The following IQCE variants were observed in gnomAD, a reference collection of about 807,000 sequenced individuals.
IQCE encodes the protein IQ domain-containing protein E.
Under a neutral mutation model 96.0 loss-of-function variants are expected in IQCE, and 115 were observed. The observed-to-expected ratio is 1.20, with a 90% CI of 1.03 to 1.40. The LOEUF (loss-of-function observed/expected upper bound fraction) is 1.40, where lower values mean the gene tolerates loss of function less well. Among genes scored for constraint, IQCE ranks in the 40% most tolerant of loss-of-function variants. IQCE has a pLI of 0.00. For missense variants in IQCE, 1,041 were observed against 909.1 expected (o/e 1.15, Z -1.87); for synonymous variants, 412 against 371.2 (o/e 1.11, Z -1.26).
intron 2 of IQCE, 107 bp downstream of exon 2, chr7:2,567,270 G>A (rs1258369111): frequency 3.5e-6 from 3 of 851,014 alleles, no homozygotes; most frequent in African/African-American, 1.7e-5. Context: ...ACTGTGTCGA[G>A]AGCTGGAATG....
chr7:2,567,302 T>A, intron 2 of IQCE, 139 bp downstream of exon 2: 1 of 722,234 alleles, frequency 1.4e-6, no homozygotes. Context: ...TGCTCCTTGG[T>A]GTTTGAAAAG....
intron 17 of IQCE, among the ~76,000 whole-genome samples, chr7:2,600,189 C>T (rs1278694036): frequency 2.0e-5 from 3 of 152,038 alleles, no homozygotes; most frequent in Admixed American, 2.0e-4. Flanking sequence ...CTTGTGGGGT[C>T]ATAAACTTAT....
intron 2 of IQCE, 60 bp from the exon 3 acceptor site, chr7:2,568,894 T>C: frequency 6.8e-7 from 1 of 1,463,958 alleles, no homozygotes; most frequent in African/African-American, 1.4e-5. Flanking sequence ...CATGGTAGGG[T>C]CTTGTGATGC....
intron 1 of IQCE, among the ~76,000 whole-genome samples, chr7:2,565,757 G>A (rs1006903572): frequency 6.6e-6 from 1 of 152,142 alleles, no homozygotes; most frequent in Non-Finnish European, 1.5e-5. Context: ...GTCATATGCT[G>A]TTTATGTCTT....
Position 2,597,135 on chromosome 7 carries a change from G to A in IQCE, c.1441-1330G>A, listed in dbSNP as rs549439245. The A allele has an allele frequency of 5.1e-5, 24 of 469,330 alleles. No homozygotes were observed. In the East Asian group the frequency reaches 1.5e-3, roughly 30 times the overall value. 29.1% of individuals were successfully genotyped at this position (469,330 alleles called of 1,614,324 possible). On this transcript the variant is annotated intron_variant, in intron 16 of 21. Transcript: ENST00000402050. ...TATCATGAGAAGGAGAGGGCGAGGT[G>A]AGGTGAGCCGGCTGGTTAGGGCCGG...
intron 5 of IQCE, among the ~76,000 whole-genome samples, chr7:2,573,088 ATTTG>A (rs1781875944): frequency 1.3e-5 from 2 of 152,100 alleles, no homozygotes; most frequent in Non-Finnish European, 2.9e-5. Context: ...TGTGTTTGGT[ATTTG>A]TTTGTTTTGC....
intron 1 of IQCE, 79 bp downstream of exon 1, chr7:2,559,296 C>T: frequency 1.1e-6 from 1 of 904,572 alleles, no homozygotes; most frequent in Non-Finnish European, 1.4e-6. Flanking sequence ...AGCCTCGGGG[C>T]CCCGCGCAGG....
chr7:2,602,768 A>G (rs1401823791), intron 18 of IQCE, among the ~76,000 whole-genome samples: 22 of 152,172 alleles, frequency 1.4e-4, no homozygotes, highest in Non-Finnish European at 1.5e-5. Flanking sequence ...CCAGCCAGAC[A>G]CTGTCCAAAT....
chr7:2,565,080 ATGTGTGCGTG>A (rs1022815701), intron 1 of IQCE, among the ~76,000 whole-genome samples: 47 of 150,614 alleles, frequency 3.1e-4, no homozygotes, highest in Admixed American at 6.6e-4. Context: ...GTGTGAGTGC[ATGTGTGCGTG>A]TGTGTGCGTG....
chr7:2,599,047 G>A (rs1436910879), intron 17 of IQCE, among the ~76,000 whole-genome samples: 1 of 152,144 alleles, frequency 6.6e-6, no homozygotes, highest in Non-Finnish European at 1.5e-5. Flanking sequence ...GCCGCCTGCC[G>A]CTATCTGTTT....
chr7:2,589,283 G>T (rs902257896), intron 13 of IQCE, among the ~76,000 whole-genome samples: 4 of 151,914 alleles, frequency 2.6e-5, no homozygotes, highest in African/African-American at 9.7e-5. Flanking sequence ...CAGGAGGAAC[G>T]CTTGAGCCCA....
intron 17 of IQCE, among the ~76,000 whole-genome samples, chr7:2,599,781 C>G (rs1376611490): frequency 6.6e-6 from 1 of 151,766 alleles, no homozygotes; most frequent in Non-Finnish European, 1.5e-5. Flanking sequence ...GCTACCACAC[C>G]TAGATTTTTT....
At position 2,612,213 on chromosome 7, in the gene IQCE, C is replaced by G. The variant is rs1038153959; in HGVS notation, c.*2051C>G. 6.6e-6 allele frequency: 1 copy of G among 152,186 alleles called. No individual in the cohort carries two copies. Among genetic ancestry groups the G allele is most frequent in the Non-Finnish European group, 1.5e-5 (1 of 68,056 alleles). 9.4% of individuals were successfully genotyped at this position (152,186 alleles called of 1,614,324 possible). ...GGAGGCCAATGTTCCATACATAAAC[C>G]GCCATGTCCTCTGGTGCAGCTGGGC... On this transcript the variant is annotated 3_prime_UTR_variant, in exon 22 of 22. Transcript: ENST00000402050.
At chr7:2,566,458 T>TG (rs1020020827) in intron 1 of IQCE, 2 of 144,046 alleles carry the variant, frequency 1.4e-5, no homozygotes, top group Non-Finnish European at 3.0e-5. Context: ...GGTTTTCGTT[T>TG]TTTTTTTTTT....
intron 2 of IQCE, among the ~76,000 whole-genome samples, chr7:2,567,473 G>T (rs1781464466): frequency 6.6e-6 from 1 of 152,222 alleles, no homozygotes. Flanking sequence ...GAGGGGAGGA[G>T]GAGAGCCCCT....
intron 2 of IQCE, 64 bp downstream of exon 2, chr7:2,567,227 C>G (rs188926115): frequency 4.5e-5 from 58 of 1,287,386 alleles, no homozygotes; most frequent in East Asian, 1.6e-4. Context: ...GCAGACTGCA[C>G]TCGGAAGCGT....
chr7:2,583,666 A>G lies in IQCE; in HGVS notation c.731A>G (p.Asn244Ser), dbSNP rs1422684504. Reference sequence around the variant, plus strand: ...CTCCAGACCGATATGAAGACTACCAACCTGGAAGAGATGCGGATCGCCATG... The same window carrying G: ...CTCCAGACCGATATGAAGACTACCAGCCTGGAAGAGATGCGGATCGCCATG... ...SKLQTDMKTTNLEEMRIAMET... is the reference protein window; with the variant it reads ...SKLQTDMKTTSLEEMRIAMET... The change falls in exon 10 of 22, where the codon AAC becomes AGC. Residue 244 changes from asparagine to serine, a missense_variant. Transcript: ENST00000402050. 1 of 1,567,028 alleles carries G rather than the reference A, an allele frequency of 6.4e-7. No individual in the cohort carries two copies. The highest frequency in any genetic ancestry group is 1.4e-5 in the African/African-American group (1 of 72,694).
rs373779920 is a variant in IQCE, at chr7:2,586,206, A to G, written c.825-2A>G. The stretch of plus-strand genomic sequence containing the variant: ...CCTCAGTCCACGATTTGGTTGTTCC[A>G]GGCCCCTGGGGGAGAAGAAGACGGG... On this transcript the variant is annotated splice_acceptor_variant, in intron 11 of 21. Transcript: ENST00000402050. LOFTEE classifies it high-confidence loss of function. 6.2e-7 allele frequency: 1 copy of G among 1,612,050 alleles called. No individual in the cohort carries two copies. Among genetic ancestry groups the G allele is most frequent in the South Asian group, 1.1e-5 (1 of 90,880 alleles).
chr7:2,576,131 G>C (rs898543262), intron 6 of IQCE, among the ~76,000 whole-genome samples: 2 of 152,164 alleles, frequency 1.3e-5, no homozygotes, highest in African/African-American at 4.8e-5. Context: ...CTGAAGTGCC[G>C]AGCCGCCCCC....
Sources: gnomAD v4.1 joint callset for allele counts (sites outside exome capture counted in the v4.1 genomes callset) on GRCh38, gnomAD v4.1.1 for gene constraint, MANE v1.5 for transcripts, NCBI Gene and HGNC (gene_info 2026-07-23, HGNC 2026-07-21) for gene names.